The following GULP1 variants were observed in gnomAD, a reference collection of about 807,000 sequenced individuals.
GULP1 encodes PTB domain-containing engulfment adapter protein 1.
GULP1 carries 19 observed loss-of-function variants against 40.9 expected under a neutral mutation model. The observed-to-expected ratio is 0.46, with a 90% CI of 0.32 to 0.68. GULP1 has a LOEUF of 0.68. Among genes scored for constraint, GULP1 ranks in the 30% least tolerant of loss-of-function variants. GULP1 has a pLI of 0.03. For missense variants in GULP1, 312 were observed against 362.2 expected, an observed-to-expected ratio of 0.86 and a Z score of 1.12; for synonymous variants, 119 against 117.6, an observed-to-expected ratio of 1.01 and a Z score of -0.08.
chr2:188,394,550 C>T (rs1483239785), intron 2 of GULP1, among the ~76,000 whole-genome samples: 2 of 152,022 alleles, frequency 1.3e-5, no homozygotes, highest in African/African-American at 4.8e-5. Flanking sequence ...TTGGTTTGGA[C>T]CCATTTCTGG....
intron 9 of GULP1, among the ~76,000 whole-genome samples, chr2:188,576,053 C>G (rs1700120436): frequency 6.6e-6 from 1 of 152,012 alleles, no homozygotes; most frequent in Admixed American, 6.6e-5. Flanking sequence ...AGGTTTTCTC[C>G]TTAACATGTG....
At chr2:188,364,699 A>ATG (rs144008194) in intron 1 of GULP1, among the ~76,000 whole-genome samples, 8,071 of 132,676 alleles carry the variant, frequency 0.061, 236 homozygotes, top group African/African-American at 0.087. Flanking sequence ...TGGGATATGT[A>ATG]TGTGTGTGTG....
At chr2:188,487,188 GAC>G (rs761145857) in intron 4 of GULP1, among the ~76,000 whole-genome samples, 2 of 151,940 alleles carry the variant, frequency 1.3e-5, no homozygotes, top group Non-Finnish European at 2.9e-5. Context: ...GTTAGAGTGA[GAC>G]AGTCATTTCC....
intron 2 of GULP1, among the ~76,000 whole-genome samples, chr2:188,459,925 G>A (rs1260882558): frequency 1.3e-5 from 2 of 151,936 alleles, no homozygotes; most frequent in East Asian, 3.9e-4. Context: ...TATGTTTTTG[G>A]CGCCTTTATA....
intron 1 of GULP1, among the ~76,000 whole-genome samples, chr2:188,335,480 C>T (rs2042141958): frequency 6.6e-6 from 1 of 152,158 alleles, no homozygotes; most frequent in African/African-American, 2.4e-5. Flanking sequence ...CTCAGAATCG[C>T]TTCTAAAAAG....
intron 7 of GULP1, among the ~76,000 whole-genome samples, chr2:188,559,172 G>A (rs1169005856): frequency 1.3e-5 from 2 of 152,146 alleles, no homozygotes; most frequent in Non-Finnish European, 2.9e-5. Context: ...AGGAGAAAAT[G>A]GTTTTCTGGG....
chr2:188,317,984 A>G (rs550073443), intron 1 of GULP1, among the ~76,000 whole-genome samples: 1 of 152,232 alleles, frequency 6.6e-6, no homozygotes, highest in African/African-American at 2.4e-5. Flanking sequence ...GTGTCAGCCA[A>G]AATTTCACTT....
intron 1 of GULP1, among the ~76,000 whole-genome samples, chr2:188,370,839 T>C (rs2047506559): frequency 6.6e-6 from 1 of 152,136 alleles, no homozygotes; most frequent in African/African-American, 2.4e-5. Flanking sequence ...TTCAAATGTA[T>C]GTGTTACTTC....
chr2:188,328,937 C>G (rs2041152840), intron 1 of GULP1, among the ~76,000 whole-genome samples: 1 of 152,106 alleles, frequency 6.6e-6, no homozygotes, highest in African/African-American at 2.4e-5. Context: ...AAGTCAGAAG[C>G]ATCTATGATA....
At chr2:188,420,579 G>A (rs992490406) in intron 2 of GULP1, among the ~76,000 whole-genome samples, 1 of 152,176 alleles carries the variant, frequency 6.6e-6, no homozygotes, top group Non-Finnish European at 1.5e-5. Flanking sequence ...AATAAGACAC[G>A]TGGACACCAG....
chr2:188,416,891 C>T (rs1033347601), intron 2 of GULP1, among the ~76,000 whole-genome samples: 1 of 152,146 alleles, frequency 6.6e-6, no homozygotes. Context: ...TGTATTCATT[C>T]TGAAGTAAAT....
At chr2:188,519,146 T>G (rs1035007791) in intron 4 of GULP1, among the ~76,000 whole-genome samples, 2 of 152,194 alleles carry the variant, frequency 1.3e-5, no homozygotes, top group African/African-American at 4.8e-5. Flanking sequence ...AAAGTTGGGT[T>G]AAGTAGAGTG....
intron 1 of GULP1, among the ~76,000 whole-genome samples, chr2:188,359,886 G>T (rs1181631446): frequency 6.6e-6 from 1 of 152,074 alleles, no homozygotes; most frequent in Non-Finnish European, 1.5e-5. Context: ...TGTGCAAAAA[G>T]ATATATTAGA....
intron 1 of GULP1, among the ~76,000 whole-genome samples, chr2:188,348,065 T>A (rs2043931865): frequency 6.6e-6 from 1 of 152,218 alleles, no homozygotes; most frequent in South Asian, 2.1e-4. Flanking sequence ...GAAATAAAAT[T>A]CAGTGCGGAA....
chr2:188,491,080 G>A (rs2062339232), intron 4 of GULP1, among the ~76,000 whole-genome samples: 1 of 152,012 alleles, frequency 6.6e-6, no homozygotes, highest in African/African-American at 2.4e-5. Flanking sequence ...TTACAGGGAT[G>A]AGCCACCATG....
intron 9 of GULP1, among the ~76,000 whole-genome samples, chr2:188,583,320 A>C (rs1016219073): frequency 6.6e-6 from 1 of 152,214 alleles, no homozygotes; most frequent in African/African-American, 2.4e-5. Context: ...TGTGAATCAG[A>C]AAATTAAACG....
intron 1 of GULP1, among the ~76,000 whole-genome samples, chr2:188,345,207 G>A (rs887102923): frequency 6.6e-6 from 1 of 152,096 alleles, no homozygotes; most frequent in Non-Finnish European, 1.5e-5. Flanking sequence ...ATGCAGTTAC[G>A]CAAGACCGTT....
At chr2:188,592,059 G>T (rs1186996139) in intron 11 of GULP1, 1 of 151,830 alleles carries the variant, frequency 6.6e-6, no homozygotes, top group Non-Finnish European at 1.5e-5. Context: ...TCAATATGGA[G>T]ATAGATATTA....
intron 2 of GULP1, among the ~76,000 whole-genome samples, chr2:188,425,133 C>A (rs778072182): frequency 2.6e-5 from 4 of 152,014 alleles, no homozygotes; most frequent in Non-Finnish European, 5.9e-5. Flanking sequence ...TAAAAAACAT[C>A]ACCACTGCCC....
Sources: gnomAD v4.1 joint callset for allele counts (sites outside exome capture counted in the v4.1 genomes callset) on GRCh38, gnomAD v4.1.1 for gene constraint, MANE v1.5 for transcripts, NCBI Gene and HGNC (gene_info 2026-07-23, HGNC 2026-07-21) for gene names.